MACIR: variants seen among roughly 807,000 people sequenced by gnomAD.
The protein encoded by MACIR is macrophage immunometabolism regulator, also known as UNC119-binding protein C5orf30.
In MACIR, 4 loss-of-function variants were observed where a neutral mutation model predicts 14.3. The ratio of observed to expected loss-of-function variants is 0.28; its 90% CI spans 0.14 to 0.64. The LOEUF (loss-of-function observed/expected upper bound fraction) is 0.64, where lower values mean the gene tolerates loss of function less well. Among genes scored for constraint, MACIR ranks in the 30% least tolerant of loss-of-function variants. The pLI is 0.83. For synonymous variants in MACIR, 101 were observed against 102.4 expected (o/e 0.99, Z 0.08); for missense variants, 228 against 257.6 (o/e 0.89, Z 0.79).
chr5:103,266,250 A>C (rs1207598869), intron 2 of MACIR, among the ~76,000 whole-genome samples: 1 of 152,128 alleles, frequency 6.6e-6, no homozygotes, highest in Non-Finnish European at 1.5e-5. Flanking sequence ...CCTTCCTTTA[A>C]ATTTCTTCAA....
rs1027667786 is a variant in MACIR, at chr5:103,276,629, A to T, written c.*89A>T. On this transcript the variant is annotated 3_prime_UTR_variant, in exon 3 of 3. Transcript: ENST00000319933. ...CTGTACTCTGTACATGACTCTTCAC[A>T]CTATAGATGGTTATATCAGCTAAGT... 2 of 1,209,544 alleles carry T rather than the reference A, an allele frequency of 1.7e-6. No individual in the cohort carries two copies. Among genetic ancestry groups the T allele is most frequent in the African/African-American group, 3.0e-5 (2 of 65,764 alleles). 74.9% of individuals were successfully genotyped at this position (1,209,544 alleles called of 1,614,324 possible).
intron 2 of MACIR, among the ~76,000 whole-genome samples, chr5:103,268,043 T>C (rs1475054044): frequency 6.6e-6 from 1 of 152,180 alleles, no homozygotes; most frequent in East Asian, 1.9e-4. Flanking sequence ...GTGGTATCCA[T>C]TGTAGGGATG....
intron 2 of MACIR, among the ~76,000 whole-genome samples, chr5:103,267,749 G>A (rs1804979347): frequency 2.0e-5 from 3 of 152,036 alleles, no homozygotes; most frequent in Admixed American, 1.3e-4. Flanking sequence ...AGTAAAATCC[G>A]TCCTTTTAAA....
intron 1 of MACIR, among the ~76,000 whole-genome samples, chr5:103,261,650 C>CTTTCTTTCTTTCTTTCTTTCTTTCTTTCT (rs1804697286): frequency 1.2e-5 from 1 of 80,728 alleles, no homozygotes; most frequent in South Asian, 3.6e-4. Flanking sequence ...TTCTTTCTTT[C>CTTTCTTTCTTTCTTTCTTTCTTTCTTTCT]TTTCTTTCTT....
At chr5:103,270,882 C>T (rs1554237073) in intron 2 of MACIR, among the ~76,000 whole-genome samples, 1 of 152,088 alleles carries the variant, frequency 6.6e-6, no homozygotes, top group East Asian at 1.9e-4. Context: ...TTTTCTTTCT[C>T]TCCATGAGAA....
chr5:103,264,836 A>G (rs1554236621), intron 1 of MACIR, among the ~76,000 whole-genome samples: 1 of 152,102 alleles, frequency 6.6e-6, no homozygotes, highest in Admixed American at 6.5e-5. Flanking sequence ...AAAGTAATAA[A>G]GTTACAAACT....
chr5:103,276,604 C>T lies in MACIR; in HGVS notation c.*64C>T. 1 of 1,403,078 alleles carries T rather than the reference C, an allele frequency of 7.1e-7. No homozygotes were observed. The highest frequency in any genetic ancestry group is 9.7e-7 in the Non-Finnish European group (1 of 1,026,582). The allele number at this position is 1,403,078 out of a possible 1,614,324, so 86.9% of individuals were successfully genotyped here. A position where few individuals can be genotyped will look rare whatever the true frequency, so the allele number is the denominator to read the frequency against. ...ACGCTTGGCTAGAAAAAACCCACTG[C>T]TGTACTCTGTACATGACTCTTCACA... is the stretch of plus-strand genomic sequence containing the variant. On this transcript the variant is annotated 3_prime_UTR_variant, in exon 3 of 3. Coordinates refer to ENST00000319933, the MANE Select transcript of MACIR (RefSeq NM_033211.4).
At chr5:103,268,771 T>C (rs1805017811) in intron 2 of MACIR, among the ~76,000 whole-genome samples, 2 of 151,994 alleles carry the variant, frequency 1.3e-5, no homozygotes, top group South Asian at 4.2e-4. Flanking sequence ...AAGCACAACA[T>C]GGACTTGGAG....
chr5:103,267,720 G>C (rs1580573202), intron 2 of MACIR, among the ~76,000 whole-genome samples: 2 of 152,272 alleles, frequency 1.3e-5, no homozygotes, highest in East Asian at 1.9e-4. Context: ...TATTTTTAAT[G>C]TCAGGTTTAT....
chr5:103,264,312 A>C (rs1804844943), intron 1 of MACIR, among the ~76,000 whole-genome samples: 1 of 152,122 alleles, frequency 6.6e-6, no homozygotes, highest in Non-Finnish European at 1.5e-5. Context: ...TAAAAATGGG[A>C]TAATAATATT....
intron 1 of MACIR, among the ~76,000 whole-genome samples, chr5:103,265,464 A>T (rs1472267623): frequency 6.6e-6 from 1 of 152,180 alleles, no homozygotes; most frequent in Non-Finnish European, 1.5e-5. Context: ...ATTGATATTT[A>T]TGCAGGGTCA....
intron 1 of MACIR, among the ~76,000 whole-genome samples, chr5:103,261,833 A>C (rs1033578851): frequency 1.3e-5 from 2 of 151,980 alleles, no homozygotes; most frequent in African/African-American, 2.4e-5. Flanking sequence ...CTACTGTACC[A>C]ATTTCTCTGC....
intron 2 of MACIR, among the ~76,000 whole-genome samples, chr5:103,266,644 G>A (rs138174065): frequency 6.6e-6 from 1 of 152,158 alleles, no homozygotes; most frequent in Non-Finnish European, 1.5e-5. Flanking sequence ...ATGAGCTATG[G>A]TAGCTCTTTA....
chr5:103,272,185 TC>T (rs1439674842), intron 2 of MACIR, among the ~76,000 whole-genome samples: 1 of 152,194 alleles, frequency 6.6e-6, no homozygotes, highest in African/African-American at 2.4e-5. Flanking sequence ...GCAGTTTTTT[TC>T]ATGGTAAAAC....
chr5:103,273,938 T>A (rs1805227106), intron 2 of MACIR, among the ~76,000 whole-genome samples: 1 of 152,204 alleles, frequency 6.6e-6, no homozygotes, highest in Non-Finnish European at 1.5e-5. Context: ...TGCTTGAGTG[T>A]CACTGCCTTG....
chr5:103,263,231 T>C (rs1435724265), intron 1 of MACIR, among the ~76,000 whole-genome samples: 224 of 104,962 alleles, frequency 2.1e-3, no homozygotes, highest in African/African-American at 6.4e-3. Context: ...CCTCCTGCTC[T>C]TCCTCCTCCT....
Position 103,262,378 on chromosome 5 carries a change from T to C in MACIR, c.-114+3482T>C, listed in dbSNP as rs148127493. Among the ~76,000 whole-genome samples, 20 of 152,304 alleles carry C rather than the reference T, an allele frequency of 1.3e-4. No homozygotes were observed. In the East Asian group the frequency reaches 3.7e-3, roughly 28 times the overall value. Reference sequence around the variant, plus strand: ...TCCCTTTTTAAAAAAGTCATTGCCTTTCCATGTTGCTTTTGAGTAGGATAA... The same window carrying C: ...TCCCTTTTTAAAAAAGTCATTGCCTCTCCATGTTGCTTTTGAGTAGGATAA... On this transcript the variant is annotated intron_variant, in intron 1 of 2. Coordinates refer to ENST00000319933, the MANE Select transcript of MACIR (RefSeq NM_033211.4).
Position 103,275,296 on chromosome 5 carries a change from C to A in MACIR, c.-23-601C>A, listed in dbSNP as rs1554237528. Among the ~76,000 whole-genome samples the A allele has an allele frequency of 2.0e-5, 3 of 152,110 alleles. 1 individual carries two copies. The highest frequency in any genetic ancestry group is 2.4e-5 in the African/African-American group (1 of 41,410). ...AGAACATTTACAAGGTTTGGGGGAA[C>A]CTTCCCCTAAGACTCCTCATACTCT... On this transcript the variant is annotated intron_variant, in intron 2 of 2. Coordinates refer to ENST00000319933, the MANE Select transcript of MACIR (RefSeq NM_033211.4).
At chr5:103,263,762 A>G (rs1804819251) in intron 1 of MACIR, among the ~76,000 whole-genome samples, 1 of 152,192 alleles carries the variant, frequency 6.6e-6, no homozygotes, top group East Asian at 1.9e-4. Context: ...GTATAAATGA[A>G]ATCTATCCCA....
Sources: allele counts gnomAD v4.1 joint callset (sites outside exome capture counted in the v4.1 genomes callset), GRCh38; gene constraint gnomAD v4.1.1; transcripts MANE v1.5; gene names NCBI Gene and HGNC (gene_info 2026-07-23, HGNC 2026-07-21).